TTF2: variants seen among roughly 807,000 people sequenced by gnomAD.
TTF2 encodes the protein RNA polymerase II termination factor.
Under a neutral mutation model 142.4 loss-of-function variants are expected in TTF2, and 108 were observed. That is an observed-to-expected ratio of 0.76 (90% CI 0.65 to 0.89). The LOEUF is 0.89. TTF2 is among the 40% of genes least tolerant of loss of function. TTF2 has a pLI of 0.00. For synonymous variants in TTF2, 483 were observed against 506.2 expected (o/e 0.95, Z 0.61); for missense variants, 1,327 against 1,379.8 (o/e 0.96, Z 0.61).
rs1647945718 is a variant in TTF2, at chr1:117,085,759, T to G, written c.2055-658T>G. The stretch of plus-strand genomic sequence containing the variant: ...AAAATAAATAAATAAAATAAAGTAT[T>G]TATTGAAGTTCTCACAATATTAAGC... On this transcript the variant is annotated intron_variant, in intron 11 of 22. Coordinates refer to ENST00000369466, the MANE Select transcript of TTF2 (RefSeq NM_003594.4). The surrounding 1 kb of genome is among the most constrained non-coding windows in gnomAD (Gnocchi z 4.7). 6.6e-6 allele frequency among the ~76,000 whole-genome samples: 1 copy of G among 152,186 alleles called. No homozygotes were observed. Among genetic ancestry groups the G allele is most frequent in the African/African-American group, 2.4e-5 (1 of 41,448 alleles).
chr1:117,074,048 A>G (rs3767769), intron 4 of TTF2, among the ~76,000 whole-genome samples: 70,644 of 152,112 alleles, frequency 0.46, 18,998 homozygotes, highest in East Asian at 0.68. Context: ...AGGAATTTCT[A>G]CTTGATACTG....
In TTF2 at chr1:117,073,631, C is replaced by A; in HGVS notation, c.219-30C>A. ...TCTTGTTCTAATGGATTTTCATAGC[C>A]TTGATTATTTGTGTTTTATACTTCA... On this transcript the variant is annotated intron_variant, in intron 3 of 22. Transcript: ENST00000369466. The surrounding 1 kb of genome is among the most constrained non-coding windows in gnomAD (Gnocchi z 4.4). 2 of 1,575,500 alleles carry A rather than the reference C, an allele frequency of 1.3e-6. No individual in the cohort carries two copies. Among genetic ancestry groups the A allele is most frequent in the South Asian group, 1.2e-5 (1 of 86,778 alleles).
intron 10 of TTF2, among the ~76,000 whole-genome samples, chr1:117,083,648 C>T (rs1327071628): frequency 6.6e-6 from 1 of 152,178 alleles, no homozygotes; most frequent in Non-Finnish European, 1.5e-5. Context: ...CCTGTTTAGC[C>T]TCTCTTTCTG....
In TTF2 at chr1:117,102,989, G is replaced by A. The variant is rs1649704390; in HGVS notation, c.*1465G>A. 2 of 152,290 alleles carry A rather than the reference G, an allele frequency of 1.3e-5. No homozygotes were observed. The highest frequency in any genetic ancestry group is 4.1e-4 in the South Asian group (2 of 4,830). 9.4% of individuals were successfully genotyped at this position (152,290 alleles called of 1,614,324 possible). A position where few individuals can be genotyped will look rare whatever the true frequency, so the allele number is the denominator to read the frequency against. On this transcript the variant is annotated 3_prime_UTR_variant, in exon 23 of 23. Transcript: ENST00000369466. ...ATATCAATGGACTGTGGAGAGAAGC[G>A]ATTGATGTAAGTCACTTCTAGGTGG...
intron 20 of TTF2, 88 bp downstream of exon 20, chr1:117,096,387 G>T (rs1570883358): frequency 1.3e-6 from 2 of 1,504,198 alleles, no homozygotes; most frequent in Non-Finnish European, 1.8e-6. Flanking sequence ...TTTTGTTTTT[G>T]TCTTTTTGAG....
chr1:117,074,925 C>T lies in TTF2; in HGVS notation c.341C>T (p.Thr114Ile), dbSNP rs1259557276. 6.2e-7 allele frequency: 1 copy of T among 1,613,326 alleles called. No individual in the cohort carries two copies. The change falls in exon 5 of 23, where the codon ACA (threonine) becomes ATA (isoleucine). Residue 114 changes from threonine (T) to isoleucine (I), a missense_variant. By Grantham distance (89) the Thr-to-Ile change is moderately conservative. Transcript: ENST00000369466. The stretch of plus-strand genomic sequence containing the variant: ...AATAAGTCTCAGCATGCATCTGAGA[C>T]ATTTCATCATTCTTCCAACTGGCTG... ...VSNKSQHASETFHHSSNWLRN... is the reference protein window; with the variant it reads ...VSNKSQHASEIFHHSSNWLRN...
intron 2 of TTF2, among the ~76,000 whole-genome samples, chr1:117,062,174 G>A (rs1655734921): frequency 6.6e-6 from 1 of 152,204 alleles, no homozygotes; most frequent in African/African-American, 2.4e-5. Context: ...TCAAGAAACA[G>A]TTATGCTTTA....
In TTF2 at chr1:117,096,169, C is replaced by A; in HGVS notation, c.3056C>A (p.Thr1019Asn). Residue 1019 changes from threonine to asparagine, a missense_variant, in exon 20 of 23, where the codon ACC (threonine) becomes AAC (asparagine). Thr to Asn is a moderately conservative substitution (Grantham distance 65, BLOSUM62 0). Coordinates refer to ENST00000369466, the MANE Select transcript of TTF2 (RefSeq NM_003594.4). ...SQKSVIVSQW[T>N]NMLKVVALHL... ...TCCAGTGTCATTGTCTCTCAGTGGA[C>A]CAACATGCTGAAAGTTGTAGCATTG... 6.2e-7 allele frequency: 1 copy of A among 1,613,894 alleles called. No individual in the cohort carries two copies. Among genetic ancestry groups the A allele is most frequent in the Non-Finnish European group, 8.5e-7 (1 of 1,179,968 alleles).
chr1:117,090,253 C>T lies in TTF2; in HGVS notation c.2496+45C>T. On this transcript the variant is annotated intron_variant, in intron 14 of 22. Transcript: ENST00000369466. The surrounding 1 kb of genome is among the most constrained non-coding windows in gnomAD (Gnocchi z 4.8). ...TCCCTGGGGGAGGCCAGGGAAGGAACATGACTGTGTCCTTGTCTTGGGTTG... is the reference window on the plus strand; with the variant it reads ...TCCCTGGGGGAGGCCAGGGAAGGAATATGACTGTGTCCTTGTCTTGGGTTG... 1 of 1,597,092 alleles carries T rather than the reference C, an allele frequency of 6.3e-7. No homozygotes were observed. Among genetic ancestry groups the T allele is most frequent in the Non-Finnish European group, 8.5e-7 (1 of 1,171,564 alleles).
At chr1:117,082,222 C>A (rs149048440) in intron 10 of TTF2, 2 of 389,796 alleles carry the variant, frequency 5.1e-6, no homozygotes, top group East Asian at 1.2e-4. Flanking sequence ...AATAATAATT[C>A]TTATTTTTTG....
At chr1:117,094,626 T>C (rs1382083852) in intron 18 of TTF2, 2 of 480,360 alleles carry the variant, frequency 4.2e-6, no homozygotes, top group Non-Finnish European at 8.7e-6. Context: ...GCTCTTTCAC[T>C]TTCTTCTTCA....
chr1:117,074,174 T>C (rs978944755), intron 4 of TTF2, among the ~76,000 whole-genome samples: 1 of 152,184 alleles, frequency 6.6e-6, no homozygotes, highest in Non-Finnish European at 1.5e-5. Flanking sequence ...AGGGAGGTGA[T>C]AAGACTTGTT....
chr1:117,067,741 G>A (rs1307235286), intron 3 of TTF2, among the ~76,000 whole-genome samples: 2 of 152,126 alleles, frequency 1.3e-5, no homozygotes, highest in Admixed American at 6.5e-5. Context: ...CCTGGAGAGT[G>A]ACCTATGAGA....
intron 3 of TTF2, among the ~76,000 whole-genome samples, chr1:117,062,746 G>A (rs1182792720): frequency 6.6e-6 from 1 of 152,142 alleles, no homozygotes; most frequent in East Asian, 1.9e-4. Context: ...CTGACCATTG[G>A]CCACTAACTT....
rs753668079 is a variant in TTF2 at position 117,078,013 on chromosome 1, G to A, written c.1671G>A (p.Thr557=). 8.7e-6 allele frequency: 14 copies of A among 1,613,970 alleles called. No homozygotes were observed. The highest frequency in any genetic ancestry group is 1.6e-4 in the Middle Eastern group (1 of 6,062). The change falls in exon 8 of 23, where the codon ACG becomes ACA. Residue 557 remains threonine (T), a synonymous_variant. Coordinates refer to ENST00000369466, the MANE Select transcript of TTF2 (RefSeq NM_003594.4). ...HRSLESCPGE[T]VVAEDPAGLK... is the part of the protein sequence containing the mutation. ...CACTTGAGTCATGTCCTGGTGAGAC[G>A]GTTGTGGCAGAAGATCCCGCCGGGC...
chr1:117,095,482 T>C, intron 19 of TTF2, 115 bp downstream of exon 19: 2 of 893,552 alleles, frequency 2.2e-6, no homozygotes, highest in Admixed American at 2.1e-5. Flanking sequence ...AGCACTGAGG[T>C]TATAGCACAC....
intron 3 of TTF2, among the ~76,000 whole-genome samples, chr1:117,065,112 A>G (rs1655985100): frequency 6.6e-6 from 1 of 152,186 alleles, no homozygotes; most frequent in Admixed American, 6.5e-5. Flanking sequence ...CAGATAAAAT[A>G]GTGTGAGTCT....
rs1373339976 is a variant in TTF2, at chr1:117,100,851, G to T, written c.3345-529G>T. Among the ~76,000 whole-genome samples, 2 of 152,128 alleles carry T rather than the reference G, an allele frequency of 1.3e-5. No individual in the cohort carries two copies. The highest frequency in any genetic ancestry group is 2.9e-5 in the Non-Finnish European group (2 of 68,024). On this transcript the variant is annotated intron_variant, in intron 22 of 22. Coordinates refer to ENST00000369466, the MANE Select transcript of TTF2 (RefSeq NM_003594.4). This position sits in a 1 kb window ranked among gnomAD's most constrained non-coding sequence, Gnocchi z 4.6. ...TTATTTTCATGTTTGTCTCGCTTTT[G>T]TTCTGCTTTGGAGCAAGACTATATT... is the stretch of plus-strand genomic sequence containing the variant.
In TTF2 at chr1:117,087,478, A is replaced by T. The variant is rs1428871512; in HGVS notation, c.2160+956A>T. ...GGCTAATTTTTTGTATTTTTAGTAG[A>T]GATGGGGTTTCGCCATGTTGGCCAG... On this transcript the variant is annotated intron_variant, in intron 12 of 22. Coordinates refer to ENST00000369466, the MANE Select transcript of TTF2 (RefSeq NM_003594.4). The surrounding 1 kb of genome is among the most constrained non-coding windows in gnomAD (Gnocchi z 4.8). 6.6e-6 allele frequency among the ~76,000 whole-genome samples: 1 copy of T among 152,114 alleles called. No individual in the cohort carries two copies. The highest frequency in any genetic ancestry group is 2.4e-5 in the African/African-American group (1 of 41,390).
Sources: allele counts gnomAD v4.1 joint callset (sites outside exome capture counted in the v4.1 genomes callset), GRCh38; gene constraint gnomAD v4.1.1; non-coding constraint Gnocchi (gnomAD v3.1); transcripts MANE v1.5; gene names NCBI Gene and HGNC (gene_info 2026-07-23, HGNC 2026-07-21).